Variants in PDZD2 observed in about 807,000 individuals in gnomAD.
The protein encoded by PDZD2 is PDZ domain-containing protein 2.
In PDZD2, 90 loss-of-function variants were observed where a neutral mutation model predicts 220.7. The ratio of observed to expected loss-of-function variants is 0.41; its 90% CI spans 0.34 to 0.49. The LOEUF is 0.49. PDZD2 is among the 20% of genes least tolerant of loss of function. The pLI, the probability that PDZD2 is intolerant of heterozygous loss-of-function variation, is 0.28. For synonymous variants in PDZD2, 1,375 were observed against 1,450.5 expected, an observed-to-expected ratio of 0.95 and a Z score of 1.18; for missense variants, 3,174 against 3,608.5, an observed-to-expected ratio of 0.88 and a Z score of 3.08.
chr5:31,913,786 A>G (rs1743414773), intron 2 of PDZD2, among the ~76,000 whole-genome samples: 1 of 152,218 alleles, frequency 6.6e-6, no homozygotes, highest in Admixed American at 6.5e-5. Context: ...TATTAGAAGT[A>G]GAGTCGTGAA....
intron 24 of PDZD2, chr5:32,106,392 A>G (rs1353247121): frequency 6.6e-6 from 1 of 152,290 alleles, no homozygotes; most frequent in Non-Finnish European, 1.5e-5. Context: ...TCACTCACCC[A>G]CTGCTCACCT....
intron 1 of PDZD2, among the ~76,000 whole-genome samples, chr5:31,776,233 A>G (rs1033705295): frequency 7.2e-5 from 11 of 151,936 alleles, no homozygotes; most frequent in African/African-American, 2.7e-4. Context: ...CCTCATTCCA[A>G]GTGGTCACCA....
rs556182310 is a variant in PDZD2, at chr5:31,662,640, C to G, written c.-361+23203C>G. The stretch of plus-strand genomic sequence containing the variant: ...AAGGCAGCTCTCTTGGATCCCCTTT[C>G]TTTTTTTGAGACGGAGTCTGGCTCT... On this transcript the variant is annotated intron_variant, in intron 1 of 24. Transcript: ENST00000438447. 1.2e-4 allele frequency among the ~76,000 whole-genome samples: 18 copies of G among 152,210 alleles called. No individual in the cohort carries two copies. The South Asian group carries it at 1.7e-3, about 14-fold the overall frequency.
At chr5:32,055,150 A>G (rs1362894054) in intron 10 of PDZD2, among the ~76,000 whole-genome samples, 1 of 152,192 alleles carries the variant, frequency 6.6e-6, no homozygotes, top group Non-Finnish European at 1.5e-5. Flanking sequence ...TTTATAAAGA[A>G]GAATTGCCCA....
intron 1 of PDZD2, among the ~76,000 whole-genome samples, chr5:31,782,434 G>A (rs1426736747): frequency 3.3e-5 from 5 of 152,066 alleles, no homozygotes; most frequent in South Asian, 4.1e-4. Context: ...AGGAGTCTCC[G>A]GAGACATTAG....
At chr5:31,917,335 G>C (rs1472428964) in intron 2 of PDZD2, among the ~76,000 whole-genome samples, 1 of 152,068 alleles carries the variant, frequency 6.6e-6, no homozygotes, top group Non-Finnish European at 1.5e-5. Context: ...ATTGCTTGAG[G>C]CCAGCCTGGG....
At chr5:32,091,763 G>A (rs530640163) in intron 20 of PDZD2, among the ~76,000 whole-genome samples, 54 of 152,218 alleles carry the variant, frequency 3.5e-4, no homozygotes, top group South Asian at 2.7e-3. Context: ...CCATTTTAGT[G>A]CCCTTGGTTT....
chr5:32,053,686 T>C, intron 9 of PDZD2, 83 bp from the exon 10 acceptor site: 1 of 816,136 alleles, frequency 1.2e-6, no homozygotes, highest in South Asian at 1.4e-5. Context: ...GACAGATGCC[T>C]TCAGTTAAAT....
At chr5:31,841,985 T>C (rs1757338695) in intron 2 of PDZD2, among the ~76,000 whole-genome samples, 1 of 151,306 alleles carries the variant, frequency 6.6e-6, no homozygotes, top group Non-Finnish European at 1.5e-5. Context: ...AAAAAAAGAA[T>C]AATACCTAAC....
intron 19 of PDZD2, among the ~76,000 whole-genome samples, chr5:32,084,948 C>CTTTTTTTTTT (rs745430355): frequency 2.1e-5 from 2 of 94,474 alleles, no homozygotes; most frequent in Non-Finnish European, 4.0e-5. Context: ...ATTCTGTTGC[C>CTTTTTTTTTT]TTTTTTTTTT....
At chr5:31,785,576 A>T (rs1753333674) in intron 1 of PDZD2, among the ~76,000 whole-genome samples, 1 of 151,722 alleles carries the variant, frequency 6.6e-6, no homozygotes. Context: ...GGGTAGCTGG[A>T]ACCACAGGTG....
rs190861229 is a variant in PDZD2 at position 32,031,864 on chromosome 5, T to G, written c.1408-5367T>G. 3.4e-4 allele frequency among the ~76,000 whole-genome samples: 52 copies of G among 152,156 alleles called. 1 individual carries two copies. In the East Asian group the frequency reaches 8.9e-3, roughly 26 times the overall value. On this transcript the variant is annotated intron_variant, in intron 6 of 24. Coordinates refer to ENST00000438447, the MANE Select transcript of PDZD2 (RefSeq NM_178140.4). ...AAACATAAATACGATTGTTCCTATT[T>G]CACATAATGAAAAAACTGCCTTGGA...
intron 4 of PDZD2, among the ~76,000 whole-genome samples, chr5:31,997,899 G>A (rs1217289031): frequency 6.6e-6 from 1 of 152,176 alleles, no homozygotes; most frequent in Non-Finnish European, 1.5e-5. Context: ...CTGAAGTGCA[G>A]TGGCGCGATC....
In PDZD2 at chr5:32,098,526, A is replaced by G. The variant is rs772933875; in HGVS notation, c.8110A>G (p.Ile2704Val). 7 of 1,614,214 alleles carry G rather than the reference A, an allele frequency of 4.3e-6. No homozygotes were observed. The highest frequency in any genetic ancestry group is 3.3e-5 in the South Asian group (3 of 91,080). Residue 2704 changes from isoleucine to valine, a missense_variant, in exon 23 of 25, where the codon ATC (isoleucine) becomes GTC (valine). Physicochemically the swap from Ile to Val is conservative, Grantham distance 29. Transcript: ENST00000438447. This position sits in a 1 kb window ranked among gnomAD's most constrained non-coding sequence, Gnocchi z 4.1. ...GCTGCACAAAGATGCCCTCGTGGTCATCAAGAAAGGGATGGATCAGCCCAG... is the reference window on the plus strand; with the variant it reads ...GCTGCACAAAGATGCCCTCGTGGTCGTCAAGAAAGGGATGGATCAGCCCAG... ...AQLHKDALVV[I>V]KKGMDQPRPS...
chr5:32,101,003 CAGA>C (rs1744207901), intron 23 of PDZD2, 99 bp from the exon 24 acceptor site: 11 of 1,592,134 alleles, frequency 6.9e-6, no homozygotes, highest in Non-Finnish European at 9.5e-6. Context: ...TTGAGTGTGC[CAGA>C]AGTACATGGG....
chr5:31,905,117 C>T (rs1004595658), intron 2 of PDZD2, among the ~76,000 whole-genome samples: 1 of 151,916 alleles, frequency 6.6e-6, no homozygotes, highest in East Asian at 1.9e-4. Context: ...TACAGGCACT[C>T]ACCACCACGC....
intron 3 of PDZD2, among the ~76,000 whole-genome samples, chr5:31,987,925 G>T (rs1372712152): frequency 6.6e-6 from 1 of 152,180 alleles, no homozygotes; most frequent in African/African-American, 2.4e-5. Flanking sequence ...CAATCACCAA[G>T]TCCCCTCAAC....
intron 1 of PDZD2, among the ~76,000 whole-genome samples, chr5:31,667,896 C>A (rs375003119): frequency 2.3e-4 from 27 of 115,258 alleles, no homozygotes; most frequent in African/African-American, 9.0e-4. Flanking sequence ...GAATCTCGAT[C>A]TCTCGCCCAG....
chr5:31,706,629 A>G (rs898485494), intron 1 of PDZD2, among the ~76,000 whole-genome samples: 9 of 152,006 alleles, frequency 5.9e-5, no homozygotes, highest in Admixed American at 3.3e-4. Context: ...GTGGATCATG[A>G]GGTCAGGAGA....
Sources: gnomAD v4.1 joint callset for allele counts (sites outside exome capture counted in the v4.1 genomes callset) on GRCh38, gnomAD v4.1.1 for gene constraint, Gnocchi (gnomAD v3.1) non-coding constraint, MANE v1.5 for transcripts, NCBI Gene and HGNC (gene_info 2026-07-23, HGNC 2026-07-21) for gene names.